MYH7B: variants seen among roughly 807,000 people sequenced by gnomAD.
MYH7B encodes myosin-7B.
A neutral mutation model predicts 234.5 loss-of-function variants in MYH7B; 205 were observed. That is an observed-to-expected ratio of 0.87 (90% CI 0.78 to 0.98). MYH7B has a LOEUF of 0.98. Ranked by LOEUF, MYH7B falls within the 50% of genes least tolerant of loss-of-function variation. MYH7B has a pLI of 0.00. For synonymous variants in MYH7B, 1,193 were observed against 1,105.0 expected (o/e 1.08, Z -1.58); for missense variants, 2,652 against 2,633.4 (o/e 1.01, Z -0.15).
chr20:34,983,075 A>G (rs1174925248), intron 10 of MYH7B, among the ~76,000 whole-genome samples: 3 of 152,098 alleles, frequency 2.0e-5, no homozygotes, highest in Admixed American at 2.0e-4. Context: ...TTTGTTTTTA[A>G]GGCATAACAT....
chr20:34,985,826 TAAA>T (rs1406934279), intron 13 of MYH7B, among the ~76,000 whole-genome samples: 7 of 151,518 alleles, frequency 4.6e-5, no homozygotes, highest in South Asian at 2.1e-4. Flanking sequence ...CACCAACAGA[TAAA>T]AACCTGCACA....
chr20:34,990,863 C>G (rs775388722), intron 23 of MYH7B, 38 bp downstream of exon 23: 2 of 1,609,298 alleles, frequency 1.2e-6, no homozygotes, highest in Non-Finnish European at 1.7e-6. Context: ...GGCCGGGAGG[C>G]ATCATGGGAA....
chr20:34,998,156 A>G (rs1223110992), intron 32 of MYH7B, 139 bp from the exon 33 acceptor site: 7 of 1,036,978 alleles, frequency 6.8e-6, no homozygotes, highest in African/African-American at 1.6e-5. Flanking sequence ...CCTGACTTTG[A>G]ACTTGGGGCT....
chr20:34,985,868 C>T (rs1057184735), intron 13 of MYH7B, among the ~76,000 whole-genome samples: 21 of 152,174 alleles, frequency 1.4e-4, no homozygotes, highest in Non-Finnish European at 2.2e-4. Context: ...CCCACACACA[C>T]GCAAGGACAC....
At chr20:34,999,622 A>C in exon 37 of MYH7B, 1 of 1,613,738 alleles carries the variant, frequency 6.2e-7, no homozygotes, top group South Asian at 1.1e-5. Context: ...AAGAGCATCC[A>C]GGAACTGGAG....
At chr20:34,996,685 G>A in exon 30 of MYH7B, 1 of 1,613,642 alleles carries the variant, frequency 6.2e-7, no homozygotes, top group Non-Finnish European at 8.5e-7. Context: ...GCTGGAGGGT[G>A]ACCTGAAGCT....
At chr20:35,002,193 C>T in exon 45 of MYH7B, 1 of 1,534,980 alleles carries the variant, frequency 6.5e-7, no homozygotes, top group Non-Finnish European at 8.7e-7. Flanking sequence ...GAGTGACGGC[C>T]TGACCCCCTG....
chr20:34,977,425 C>G (rs563232292), intron 3 of MYH7B, among the ~76,000 whole-genome samples: 1 of 152,170 alleles, frequency 6.6e-6, no homozygotes, highest in South Asian at 2.1e-4. Context: ...TCCCTGTCCC[C>G]GTCAGTCTCT....
At chr20:34,993,866 C>T (rs183574091) in intron 26 of MYH7B, among the ~76,000 whole-genome samples, 16 of 152,358 alleles carry the variant, frequency 1.1e-4, no homozygotes, top group East Asian at 1.9e-4. Flanking sequence ...CTAGCTGGCA[C>T]GTCAGCCCAG....
intron 19 of MYH7B, among the ~76,000 whole-genome samples, chr20:34,989,348 G>A (rs772657527): frequency 1.2e-4 from 18 of 152,338 alleles, no homozygotes; most frequent in East Asian, 1.9e-4. Context: ...GCTTAGTGAT[G>A]TCGGAGGGCC....
intron 14 of MYH7B, among the ~76,000 whole-genome samples, 197 bp downstream of exon 14, chr20:34,986,395 GTTAT>G (rs1555893787): frequency 6.6e-6 from 1 of 152,224 alleles, no homozygotes; most frequent in Non-Finnish European, 1.5e-5. Flanking sequence ...CTGCCAACGT[GTTAT>G]CGCTGCCTCC....
rs114205213 is a variant in MYH7B, at chr20:35,001,284, A to C, written c.5515A>C (p.Lys1839Gln). The C allele has an allele frequency of 2.6e-3, 4,233 of 1,612,978 alleles. 37 individuals carry two copies. The highest frequency in any genetic ancestry group is 0.017 in the African/African-American group (1,301 of 75,028). The change falls in exon 42 of 45, where the codon AAG (lysine) becomes CAG (glutamine). Residue 1839 changes from lysine to glutamine, a missense_variant. This residue lies in a region of MYH7B where 2,279 missense variants were observed against 2,211.4 expected (regional missense o/e 1.03). Transcript: ENST00000262873. ...GGCTGAGCTTGATGCAGAGCAGAAG[A>C]AGCACGCCGAGGCCCTTAAGGGCGT...
rs770076494 is a variant in MYH7B, at chr20:35,001,090, C to T, written c.5407C>T (p.Arg1803Cys). Residue 1803 changes from arginine (R) to cysteine (C), a missense_variant, in exon 41 of 45, where the codon CGC becomes TGC. This residue lies in a region of MYH7B where 2,279 missense variants were observed against 2,211.4 expected (regional missense o/e 1.03). Coordinates refer to ENST00000262873, the Ensembl canonical transcript of MYH7B. ...GCAGACGGTGCGCGAGCTCCAGGCC[C>T]GCCTTGAGGAGGCAGAACAGGCCGC... 5.0e-6 allele frequency: 8 copies of T among 1,613,816 alleles called. No homozygotes were observed. Among genetic ancestry groups the T allele is most frequent in the African/African-American group, 1.3e-5 (1 of 75,042 alleles).
At chr20:34,995,399 C>T (rs202027197) in exon 28 of MYH7B, 22 of 1,613,962 alleles carry the variant, frequency 1.4e-5, no homozygotes, top group Non-Finnish European at 1.7e-5. Flanking sequence ...CAAGGTGCAG[C>T]TGGAGGGGAA....
At chr20:34,972,824 G>T (rs536831417) in intron 2 of MYH7B, among the ~76,000 whole-genome samples, 4 of 152,132 alleles carry the variant, frequency 2.6e-5, no homozygotes, top group Non-Finnish European at 5.9e-5. Context: ...TCGAGACAGG[G>T]TCTTGCTATA....
Position 34,991,010 on chromosome 20 carries a change from T to C in MYH7B, c.2072T>C (p.Met691Thr), listed in dbSNP as rs763961201. Residue 691 changes from methionine (M) to threonine (T), a missense_variant, in exon 24 of 45, where the codon ATG becomes ACG. By Grantham distance (81) the Met-to-Thr change is moderately conservative. Around this residue, in one of 3 missense-constraint regions of MYH7B, gnomAD observed 2,279 missense variants for 2,211.4 expected, o/e 1.03. Transcript: ENST00000262873. ...TTTCCCCTCTCACGTCCAGGGGTCATGGATGCCTTCTTGGTGCTACACCAG... is the reference window on the plus strand; with the variant it reads ...TTTCCCCTCTCACGTCCAGGGGTCACGGATGCCTTCTTGGTGCTACACCAG... 4 of 1,612,198 alleles carry C rather than the reference T, an allele frequency of 2.5e-6. No individual in the cohort carries two copies. The Admixed American group carries it at 6.7e-5, about 27-fold the overall frequency.
chr20:34,988,186 A>C, exon 19 of MYH7B: 1 of 1,614,172 alleles, frequency 6.2e-7, no homozygotes, highest in South Asian at 1.1e-5. Flanking sequence ...CAGGAGGAGT[A>C]CAAGCGGGAG....
chr20:34,974,945 G>A (rs1035229968), intron 2 of MYH7B, among the ~76,000 whole-genome samples: 1 of 152,160 alleles, frequency 6.6e-6, no homozygotes, highest in African/African-American at 2.4e-5. Context: ...GCTCTACAAA[G>A]AGAATTGAAA....
Position 34,994,187 on chromosome 20 carries a change from A to G in MYH7B, c.2486A>G (p.Asn829Ser), listed in dbSNP as rs1372789477. Reference sequence around the variant, plus strand: ...ATCCAGTGGAACATCCGTGCCTTCAATGCCGTCAAGAACTGGTCATGGATG... The same window carrying G: ...ATCCAGTGGAACATCCGTGCCTTCAGTGCCGTCAAGAACTGGTCATGGATG... Residue 829 changes from asparagine to serine, a missense_variant, in exon 27 of 45, where the codon AAT becomes AGT. Transcript: ENST00000262873. 10 of 1,613,412 alleles carry G rather than the reference A, an allele frequency of 6.2e-6. No homozygotes were observed. The highest frequency in any genetic ancestry group is 5.0e-5 in the Admixed American group (3 of 60,026).
Sources: gnomAD v4.1 joint callset for allele counts (sites outside exome capture counted in the v4.1 genomes callset) on GRCh38, gnomAD v4.1.1 for gene constraint, gnomAD v4.1.1 regional missense constraint, MANE v1.5 for transcripts, NCBI Gene and HGNC (gene_info 2026-07-23, HGNC 2026-07-21) for gene names.